TDRD1: variants seen among roughly 807,000 people sequenced by gnomAD.
TDRD1 encodes the protein tudor domain-containing protein 1.
In TDRD1, 37 loss-of-function variants were observed where a neutral mutation model predicts 140.6. The observed-to-expected ratio is 0.26, with a 90% CI of 0.20 to 0.35. TDRD1 has a LOEUF of 0.35. Among genes scored for constraint, TDRD1 ranks in the 10% least tolerant of loss-of-function variants. The pLI, the probability that TDRD1 is intolerant of heterozygous loss-of-function variation, is 1.00. For synonymous variants in TDRD1, 506 were observed against 475.7 expected, an observed-to-expected ratio of 1.06 and a Z score of -0.83; for missense variants, 1,243 against 1,393.0, an observed-to-expected ratio of 0.89 and a Z score of 1.71.
At chr10:114,217,432 T>C in intron 16 of TDRD1, 113 bp from the exon 17 acceptor site, 1 of 561,968 alleles carries the variant, frequency 1.8e-6, no homozygotes, top group Non-Finnish European at 3.2e-6. Context: ...AATAGTAGTT[T>C]AGGGAGGTAC....
chr10:114,177,835 T>TG (rs2032739291), upstream of TDRD1, among the ~76,000 whole-genome samples: 2 of 82,560 alleles, frequency 2.4e-5, no homozygotes, highest in African/African-American at 1.1e-4. Context: ...TTTCTTTTTC[T>TG]TTTTTTTTTT....
intron 4 of TDRD1, among the ~76,000 whole-genome samples, chr10:114,200,981 G>T (rs1352182041): frequency 6.7e-6 from 1 of 150,242 alleles, no homozygotes; most frequent in Non-Finnish European, 1.5e-5. Flanking sequence ...AGCCTCCTGA[G>T]TAGCTGGGAT....
intron 20 of TDRD1, 151 bp downstream of exon 20, chr10:114,221,627 A>G: frequency 1.4e-6 from 1 of 733,318 alleles, no homozygotes; most frequent in Non-Finnish European, 2.2e-6. Context: ...AAATTTAGTT[A>G]CGAAACACTA....
At chr10:114,203,224 A>G in intron 7 of TDRD1, 48 bp downstream of exon 7, 1 of 1,510,922 alleles carries the variant, frequency 6.6e-7, no homozygotes. Context: ...AGAGAACTGT[A>G]TTTATTCTCG....
At chr10:114,179,306 A>C (rs965520195) in exon 1 of TDRD1, 1 of 152,634 alleles carries the variant, frequency 6.6e-6, no homozygotes, top group Non-Finnish European at 1.5e-5. Context: ...ATTGGAGGCG[A>C]GGGAAGTGCA....
At chr10:114,211,838 T>C in intron 13 of TDRD1, 28 bp from the exon 14 acceptor site, 1 of 1,491,156 alleles carries the variant, frequency 6.7e-7, no homozygotes, top group Non-Finnish European at 8.9e-7. Context: ...GGAAAAATCA[T>C]TTGAGATTGA....
downstream of TDRD1, among the ~76,000 whole-genome samples, chr10:114,232,497 TGAAA>T (rs896557588): frequency 6.1e-5 from 9 of 148,406 alleles, no homozygotes; most frequent in East Asian, 9.9e-4. Flanking sequence ...AGCAGATACT[TGAAA>T]GACTTTTTTT....
Position 114,192,292 on chromosome 10 carries a change from C to CTTTTTTTTTTTT in TDRD1, c.384+1291_384+1302dup, listed in dbSNP as rs938140798. The stretch of plus-strand genomic sequence containing the variant: ...TCCCCAAAAAAGTTTGATAGTTTTC[C>CTTTTTTTTTTTT]TTTTTTTTTTTTTTTTTTTTTTTTT... On this transcript the variant is annotated intron_variant, in intron 3 of 25. Coordinates refer to ENST00000251864, the Ensembl canonical transcript of TDRD1. 1.2e-3 allele frequency among the ~76,000 whole-genome samples: 93 copies of CTTTTTTTTTTTT among 75,106 alleles called. 12 individuals carry two copies. The highest frequency in any genetic ancestry group is 1.7e-3 in the Non-Finnish European group (65 of 39,240). The allele number at this position is 75,106 out of a possible 152,430, so 49.3% of individuals were successfully genotyped here.
chr10:114,228,772 G>A, intron 25 of TDRD1: 3 of 985,354 alleles, frequency 3.0e-6, no homozygotes, highest in Non-Finnish European at 3.6e-6. Context: ...ATAAATTTTT[G>A]ATTAAGAGCC....
chr10:114,226,372 A>C (rs1426308789), intron 22 of TDRD1, among the ~76,000 whole-genome samples, 156 bp downstream of exon 22: 1 of 151,922 alleles, frequency 6.6e-6, no homozygotes, highest in Non-Finnish European at 1.5e-5. Flanking sequence ...CATATTCTTT[A>C]TTCTTTATCG....
At chr10:114,218,719 C>A in intron 18 of TDRD1, 135 bp downstream of exon 18, 1 of 654,666 alleles carries the variant, frequency 1.5e-6, no homozygotes, top group Non-Finnish European at 2.3e-6. Context: ...AGAAATTTTA[C>A]TTACAATATT....
At chr10:114,204,750 T>C (rs750166614) in exon 10 of TDRD1, 1 of 1,596,518 alleles carries the variant, frequency 6.3e-7, no homozygotes, top group Admixed American at 1.8e-5. Flanking sequence ...GCCAATGTTA[T>C]CCCAGCAGAA....
At chr10:114,225,495 C>G (rs565514820) in intron 21 of TDRD1, among the ~76,000 whole-genome samples, 2 of 151,942 alleles carry the variant, frequency 1.3e-5, no homozygotes, top group African/African-American at 4.8e-5. Context: ...ATTCAGGCAT[C>G]TGCTTTCCAG....
intron 9 of TDRD1, 56 bp from the exon 10 acceptor site, chr10:114,204,666 G>A: frequency 1.3e-6 from 2 of 1,503,022 alleles, no homozygotes; most frequent in Non-Finnish European, 1.8e-6. Context: ...CAAATAATTA[G>A]AAAAAATCAT....
intron 10 of TDRD1, 134 bp from the exon 11 acceptor site, chr10:114,206,110 T>C (rs1003833745): frequency 7.5e-6 from 5 of 662,436 alleles, no homozygotes; most frequent in African/African-American, 5.4e-5. Context: ...AGGAACTGAA[T>C]TGGCAAAACA....
intron 5 of TDRD1, 73 bp from the exon 6 acceptor site, chr10:114,202,165 A>G: frequency 1.2e-5 from 14 of 1,188,452 alleles, no homozygotes; most frequent in East Asian, 2.4e-5. Flanking sequence ...TGAGAATACC[A>G]TAATTGTGGT....
At chr10:114,228,210 T>A in intron 25 of TDRD1, 1 of 1,476,996 alleles carries the variant, frequency 6.8e-7, no homozygotes, top group South Asian at 1.5e-5. Context: ...ATAGAGCTAA[T>A]GGAGTGAAAC....
rs2033929086 is a variant in TDRD1, at chr10:114,191,109, T to TC, written c.384+90_384+91insC. On this transcript the variant is annotated intron_variant, in intron 3 of 25. Transcript: ENST00000251864. ...AATAAAGAAGTGTTCAATTTGTAGG[T>TC]ATCATTCAAGATCAAATGTTTTTTC... 4 of 1,356,772 alleles carry TC rather than the reference T, an allele frequency of 2.9e-6. No homozygotes were observed. The South Asian group carries it at 5.4e-5, about 18-fold the overall frequency. 84.0% of individuals were successfully genotyped at this position (1,356,772 alleles called of 1,614,324 possible).
At chr10:114,185,258 C>T (rs923084627) in intron 1 of TDRD1, among the ~76,000 whole-genome samples, 1 of 152,218 alleles carries the variant, frequency 6.6e-6, no homozygotes, top group Non-Finnish European at 1.5e-5. Context: ...GGCATCATCT[C>T]TGCTCACTGC....
Sources: gnomAD v4.1 joint callset for allele counts (sites outside exome capture counted in the v4.1 genomes callset) on GRCh38, gnomAD v4.1.1 for gene constraint, MANE v1.5 for transcripts, NCBI Gene and HGNC (gene_info 2026-07-23, HGNC 2026-07-21) for gene names.